The following PPM1H variants were observed in gnomAD, a reference collection of about 807,000 sequenced individuals.
PPM1H encodes protein phosphatase, Mg2+/Mn2+ dependent 1H.
In PPM1H, 27 loss-of-function variants were observed where a neutral mutation model predicts 54.9. The observed-to-expected ratio is 0.49, with a 90% CI of 0.36 to 0.68. The LOEUF is 0.68. PPM1H is among the 30% of genes least tolerant of loss of function. PPM1H has a pLI of 0.00. For synonymous variants in PPM1H, 305 were observed against 270.8 expected, an observed-to-expected ratio of 1.13 and a Z score of -1.24; for missense variants, 596 against 667.8, an observed-to-expected ratio of 0.89 and a Z score of 1.19.
rs200251837 is a variant in PPM1H at position 62,924,213 on chromosome 12, T to TGG, written c.245+10277_245+10278dup. ...TGTAAGACGAAACTGAGGCCCAGAG[T>TGG]GGGGGGGGCAGTAGCCAACTCGACA... On this transcript the variant is annotated intron_variant, in intron 1 of 9. Coordinates refer to ENST00000228705, the MANE Select transcript of PPM1H (RefSeq NM_020700.2). 1.1e-3 allele frequency among the ~76,000 whole-genome samples: 164 copies of TGG among 150,972 alleles called. 1 individual carries two copies. The Middle Eastern group carries it at 0.014, about 13-fold the overall frequency.
chr12:62,879,590 C>T (rs1448017170), intron 1 of PPM1H, among the ~76,000 whole-genome samples: 1 of 152,024 alleles, frequency 6.6e-6, no homozygotes, highest in African/African-American at 2.4e-5. Flanking sequence ...GGGAGGGGAA[C>T]ATCCCACACT....
Position 62,695,640 on chromosome 12 carries a change from A to G in PPM1H, c.1074-1641T>C, listed in dbSNP as rs549600193. ...CTGTGGTATATGAGTTTGGGGGGGG[A>G]ACAAATAAAGCTATTATTAGAAGAA... is the stretch of plus-strand genomic sequence containing the variant. On this transcript the variant is annotated intron_variant, in intron 6 of 9. Transcript: ENST00000228705. 5.4e-4 allele frequency among the ~76,000 whole-genome samples: 82 copies of G among 151,944 alleles called. 2 individuals are homozygous for G. Among genetic ancestry groups the G allele is most frequent in the African/African-American group, 1.8e-3 (76 of 41,442 alleles).
intron 9 of PPM1H, among the ~76,000 whole-genome samples, chr12:62,657,157 G>A (rs542944063): frequency 6.6e-6 from 1 of 152,266 alleles, no homozygotes; most frequent in Non-Finnish European, 1.5e-5. Context: ...CAGACACAAA[G>A]CTGCAGACTG....
At chr12:62,709,777 A>G (rs1433431978) in intron 6 of PPM1H, among the ~76,000 whole-genome samples, 1 of 152,200 alleles carries the variant, frequency 6.6e-6, no homozygotes, top group African/African-American at 2.4e-5. Flanking sequence ...TTGTTCAATA[A>G]ATTTCCAGAA....
In PPM1H at chr12:62,835,937, A is replaced by G. The variant is rs77661238; in HGVS notation, c.246-3658T>C. 4.4e-3 allele frequency among the ~76,000 whole-genome samples: 675 copies of G among 152,350 alleles called. 6 individuals carry two copies. The highest frequency in any genetic ancestry group is 0.016 in the African/African-American group (651 of 41,568). On this transcript the variant is annotated intron_variant, in intron 1 of 9. Transcript: ENST00000228705. Reference sequence around the variant, plus strand: ...GAACAAAATCTTTAATTTTATAAAAAGTAATTGAGAAAAACTTTGTTTCAC... The same window carrying G: ...GAACAAAATCTTTAATTTTATAAAAGGTAATTGAGAAAAACTTTGTTTCAC...
At chr12:62,828,773 C>T (rs1372672913) in intron 2 of PPM1H, among the ~76,000 whole-genome samples, 1 of 152,080 alleles carries the variant, frequency 6.6e-6, no homozygotes, top group South Asian at 2.1e-4. Context: ...ACAGACAACC[C>T]AATTTTTAAA....
At chr12:62,789,946 G>A (rs1415143844) in intron 3 of PPM1H, among the ~76,000 whole-genome samples, 2 of 152,230 alleles carry the variant, frequency 1.3e-5, no homozygotes, top group East Asian at 3.8e-4. Context: ...CTAAAATAAT[G>A]CCAAATCTTC....
intron 2 of PPM1H, among the ~76,000 whole-genome samples, chr12:62,817,478 AC>A (rs1334307721): frequency 2.6e-5 from 4 of 151,494 alleles, no homozygotes; most frequent in East Asian, 1.9e-4. Flanking sequence ...AAACAAACAA[AC>A]AAACAAAAAA....
At chr12:62,841,325 T>C (rs1360010741) in intron 1 of PPM1H, among the ~76,000 whole-genome samples, 1 of 152,132 alleles carries the variant, frequency 6.6e-6, no homozygotes, top group African/African-American at 2.4e-5. Context: ...AAGTTAAGAA[T>C]GATTTTTATA....
chr12:62,805,988 A>G lies in PPM1H; in HGVS notation c.412-3828T>C, dbSNP rs561817395. Among the ~76,000 whole-genome samples the G allele has an allele frequency of 1.5e-4, 23 of 152,332 alleles. No homozygotes were observed. In the South Asian group the frequency reaches 4.8e-3, roughly 32 times the overall value. ...TGATTTCTGTCAATCATACCTCAAT[A>G]AAACTGGGAGAAATAAAACATTACA... On this transcript the variant is annotated intron_variant, in intron 2 of 9. Coordinates refer to ENST00000228705, the MANE Select transcript of PPM1H (RefSeq NM_020700.2).
At chr12:62,767,254 G>A (rs2076549556) in intron 4 of PPM1H, among the ~76,000 whole-genome samples, 1 of 152,144 alleles carries the variant, frequency 6.6e-6, no homozygotes, top group African/African-American at 2.4e-5. Context: ...AGGGTGGGAT[G>A]TGGAGAAGCT....
chr12:62,695,236 G>C (rs1382175977), intron 6 of PPM1H, among the ~76,000 whole-genome samples: 1 of 152,162 alleles, frequency 6.6e-6, no homozygotes, highest in African/African-American at 2.4e-5. Flanking sequence ...TTCCCATGGG[G>C]TGGAGAATCA....
intron 1 of PPM1H, among the ~76,000 whole-genome samples, chr12:62,872,534 G>C (rs1434596473): frequency 6.6e-6 from 1 of 152,152 alleles, no homozygotes; most frequent in African/African-American, 2.4e-5. Flanking sequence ...TACTCAGATG[G>C]TGTTAGCTAG....
At chr12:62,764,238 G>A (rs1483895771) in intron 4 of PPM1H, among the ~76,000 whole-genome samples, 1 of 152,154 alleles carries the variant, frequency 6.6e-6, no homozygotes, top group Non-Finnish European at 1.5e-5. Context: ...TCAGGATGTG[G>A]AGGCACCGTC....
intron 1 of PPM1H, among the ~76,000 whole-genome samples, chr12:62,902,157 T>G (rs1592663215): frequency 6.6e-6 from 1 of 151,784 alleles, no homozygotes. Flanking sequence ...GGTCAGGAGT[T>G]CGAGACCAGC....
At chr12:62,753,937 C>T (rs964267305) in intron 4 of PPM1H, among the ~76,000 whole-genome samples, 29 of 152,204 alleles carry the variant, frequency 1.9e-4, no homozygotes, top group African/African-American at 6.8e-4. Flanking sequence ...CTTCCCTCAT[C>T]ACCAGGATTA....
At chr12:62,760,922 C>T (rs971246329) in intron 4 of PPM1H, among the ~76,000 whole-genome samples, 1 of 152,160 alleles carries the variant, frequency 6.6e-6, no homozygotes, top group East Asian at 1.9e-4. Context: ...CCGGGAAAAA[C>T]CTTAAGTACT....
chr12:62,668,370 T>C (rs1264329189), intron 8 of PPM1H, among the ~76,000 whole-genome samples: 6 of 152,150 alleles, frequency 3.9e-5, no homozygotes, highest in African/African-American at 7.2e-5. Flanking sequence ...CCCTTATTAC[T>C]CTATTTTCTG....
In PPM1H at chr12:62,830,318, T is replaced by A. The variant is rs370317067; in HGVS notation, c.411+1796A>T. On this transcript the variant is annotated intron_variant, in intron 2 of 9. Transcript: ENST00000228705. ...TCACCCAGGCTGGAGTGCAGTGGCGTGATCTCAGCTCACTGCAAGCTCTGC... is the reference window on the plus strand; with the variant it reads ...TCACCCAGGCTGGAGTGCAGTGGCGAGATCTCAGCTCACTGCAAGCTCTGC... Among the ~76,000 whole-genome samples, 4 of 151,940 alleles carry A rather than the reference T, an allele frequency of 2.6e-5. No individual in the cohort carries two copies. The East Asian group carries it at 7.8e-4, about 29-fold the overall frequency.
Sources: allele counts gnomAD v4.1 joint callset (sites outside exome capture counted in the v4.1 genomes callset), GRCh38; gene constraint gnomAD v4.1.1; transcripts MANE v1.5; gene names NCBI Gene and HGNC (gene_info 2026-07-23, HGNC 2026-07-21).